The following DCAF8L2 variants were observed in gnomAD, a reference collection of about 807,000 sequenced individuals.
DCAF8L2 encodes DDB1 and CUL4 associated factor 8 like 2.
For synonymous variants in DCAF8L2, 200 were observed against 190.9 expected, an observed-to-expected ratio of 1.05 and a Z score of -0.39; for missense variants, 430 against 490.7, an observed-to-expected ratio of 0.88 and a Z score of 1.17.
At chrX:27,647,234 A>G (rs1928975053) in intron 2 of DCAF8L2, among the ~76,000 whole-genome samples, 1 of 112,476 alleles carries the variant, frequency 8.9e-6, no homozygotes, top group Admixed American at 9.4e-5. Flanking sequence ...CAGCCATAAA[A>G]GGAATGAAAT....
intron 3 of DCAF8L2, among the ~76,000 whole-genome samples, chrX:27,709,374 G>A (rs188733740): frequency 8.9e-6 from 1 of 112,255 alleles, no homozygotes; most frequent in African/African-American, 3.2e-5. Context: ...TTATTTTGTT[G>A]ATTAGTGCAT....
the DCAF8L2 span, among the ~76,000 whole-genome samples, chrX:27,482,414 C>T: frequency 1.8e-5 from 2 of 111,326 alleles, no homozygotes; most frequent in Admixed American, 1.9e-4. Flanking sequence ...AATTAAAGCT[C>T]ATTTAAGAAA....
At position 27,725,711 on chromosome X, in the gene DCAF8L2, T is replaced by C. The variant is rs375490846; in HGVS notation, c.-59+9540T>C. ...GGATAGTGTTACAAGTAGAATAATA[T>C]AACTTGCAAATTAAATTATAAATAA... On this transcript the variant is annotated intron_variant, in intron 4 of 4. Transcript: ENST00000451261. Among the ~76,000 whole-genome samples, 26 of 100,339 alleles carry C rather than the reference T, an allele frequency of 2.6e-4. No homozygotes were observed. The East Asian group carries it at 3.8e-3, about 15-fold the overall frequency. The allele number at this position is 100,339 out of a possible 115,157, so 87.1% of individuals were successfully genotyped here.
chrX:27,684,139 C>G (rs1205322254), intron 3 of DCAF8L2, among the ~76,000 whole-genome samples: 1 of 111,744 alleles, frequency 8.9e-6, no homozygotes, highest in African/African-American at 3.3e-5. Context: ...GAGAGGTATC[C>G]AAAGAAGACA....
chrX:27,538,942 T>C, the DCAF8L2 span, among the ~76,000 whole-genome samples: 1 of 112,479 alleles, frequency 8.9e-6, no homozygotes, highest in African/African-American at 3.2e-5. Context: ...ACTTAAGCAG[T>C]GTCAGGGAAA....
intron 1 of DCAF8L2, among the ~76,000 whole-genome samples, chrX:27,594,242 A>C: frequency 9.0e-6 from 1 of 111,727 alleles, no homozygotes; most frequent in East Asian, 2.8e-4. Flanking sequence ...TAACTTACAA[A>C]ATTGGCATAA....
At chrX:27,575,035 A>C in the DCAF8L2 span, among the ~76,000 whole-genome samples, 2 of 111,388 alleles carry the variant, frequency 1.8e-5, no homozygotes, top group South Asian at 7.6e-4. Flanking sequence ...TTGGAGAAAG[A>C]GTGCAAAGTG....
Position 27,747,521 on chromosome X carries a change from GT to G in DCAF8L2, c.627del (p.Cys209TrpfsTer42). On this transcript the variant is annotated frameshift_variant, in exon 5 of 5. Coordinates refer to ENST00000451261, the MANE Select transcript of DCAF8L2 (RefSeq NM_001353450.2). LOFTEE classifies it low-confidence loss of function (END_TRUNC). ...GSRPRFVYEACGARAFVQRFR... is the reference protein window; with the variant it reads ...GSRPRFVYEAXGARAFVQRFR... ...CGTCCCCGCTTTGTATATGAGGCCT[GT>G]GGGGCAAGAGCCTTTGTGCAGCGTT... 8.5e-7 allele frequency: 1 copy of G among 1,180,073 alleles called. No homozygotes were observed. The highest frequency in any genetic ancestry group is 1.1e-6 in the Non-Finnish European group (1 of 879,320).
At position 27,697,194 on chromosome X, in the gene DCAF8L2, A is replaced by G. The variant is rs188160163; in HGVS notation, c.-142-18894A>G. Reference sequence around the variant, plus strand: ...GTATGATTGACAGGGAAAGGCTTAGAAAGAACTTTATAGAGGTGATAAAAA... The same window carrying G: ...GTATGATTGACAGGGAAAGGCTTAGGAAGAACTTTATAGAGGTGATAAAAA... On this transcript the variant is annotated intron_variant, in intron 3 of 4. Coordinates refer to ENST00000451261, the MANE Select transcript of DCAF8L2 (RefSeq NM_001353450.2). 6.0e-3 allele frequency among the ~76,000 whole-genome samples: 675 copies of G among 111,758 alleles called. 4 individuals carry two copies. The highest frequency in any genetic ancestry group is 0.014 in the Middle Eastern group (3 of 216).
At chrX:27,665,857 A>G (rs749664973) in intron 2 of DCAF8L2, among the ~76,000 whole-genome samples, 4 of 111,797 alleles carry the variant, frequency 3.6e-5, no homozygotes, top group Admixed American at 9.5e-5. Flanking sequence ...TTTTTTAGAC[A>G]TAATGCTACT....
chrX:27,598,228 A>G (rs951795956), intron 1 of DCAF8L2, among the ~76,000 whole-genome samples: 2 of 112,738 alleles, frequency 1.8e-5, no homozygotes, highest in African/African-American at 3.2e-5. Flanking sequence ...CTAAAACAAC[A>G]AACTTCAATC....
chrX:27,543,948 A>T, the DCAF8L2 span, among the ~76,000 whole-genome samples: 3 of 112,276 alleles, frequency 2.7e-5, no homozygotes, highest in African/African-American at 9.7e-5. Flanking sequence ...AAACAGAAGT[A>T]GCTCTACAAA....
chrX:27,513,527 A>C, the DCAF8L2 span, among the ~76,000 whole-genome samples: 1 of 110,943 alleles, frequency 9.0e-6, no homozygotes, highest in African/African-American at 3.3e-5. Flanking sequence ...CAACATGGTG[A>C]AACCCTGTCT....
chrX:27,655,409 A>G (rs1327483543), intron 2 of DCAF8L2, among the ~76,000 whole-genome samples: 1 of 112,189 alleles, frequency 8.9e-6, no homozygotes, highest in Non-Finnish European at 1.9e-5. Context: ...AAGAAAGACA[A>G]ACCATCGACA....
At chrX:27,716,211 A>G (rs1370962982) in intron 4 of DCAF8L2, 40 bp downstream of exon 4, 2 of 111,839 alleles carry the variant, frequency 1.8e-5, no homozygotes, top group African/African-American at 6.5e-5. Flanking sequence ...GGCAGCAGCA[A>G]TTTCCTAGAA....
the DCAF8L2 span, among the ~76,000 whole-genome samples, chrX:27,516,834 C>T: frequency 9.0e-6 from 1 of 111,723 alleles, no homozygotes; most frequent in African/African-American, 3.2e-5. Flanking sequence ...ATATGCTGCC[C>T]TTCCAGAAAG....
At chrX:27,642,784 T>G (rs2147188505) in intron 2 of DCAF8L2, among the ~76,000 whole-genome samples, 1 of 112,095 alleles carries the variant, frequency 8.9e-6, no homozygotes, top group African/African-American at 3.2e-5. Flanking sequence ...ATTTTCCAAA[T>G]ATAATTGATA....
chrX:27,592,387 G>A (rs1364390369), intron 1 of DCAF8L2, among the ~76,000 whole-genome samples: 2 of 107,776 alleles, frequency 1.9e-5, no homozygotes, highest in Non-Finnish European at 3.8e-5. Flanking sequence ...TAGGTGTGCA[G>A]GAGAGCATTG....
the DCAF8L2 span, among the ~76,000 whole-genome samples, chrX:27,496,991 T>C: frequency 8.9e-6 from 1 of 112,175 alleles, no homozygotes; most frequent in South Asian, 3.7e-4. Flanking sequence ...TTTAACCTTT[T>C]GAAAAGACAA....
Sources: gnomAD v4.1 joint callset for allele counts (sites outside exome capture counted in the v4.1 genomes callset) on GRCh38, gnomAD v4.1.1 for gene constraint, MANE v1.5 for transcripts, NCBI Gene and HGNC (gene_info 2026-07-23, HGNC 2026-07-21) for gene names.